The following SLC10A7 variants were observed in gnomAD, a reference collection of about 807,000 sequenced individuals.
SLC10A7 encodes sodium/bile acid cotransporter 7.
SLC10A7 carries 29 observed loss-of-function variants against 43.2 expected under a neutral mutation model. The ratio of observed to expected loss-of-function variants is 0.67; its 90% CI spans 0.50 to 0.92. The LOEUF is 0.92. Ranked by LOEUF, SLC10A7 falls within the 40% of genes least tolerant of loss-of-function variation. SLC10A7 has a pLI of 0.00. For missense variants in SLC10A7, 295 were observed against 403.2 expected, an observed-to-expected ratio of 0.73 and a Z score of 2.30; for synonymous variants, 152 against 144.8, an observed-to-expected ratio of 1.05 and a Z score of -0.35.
chr4:146,444,152 G>GA (rs1490706622), intron 4 of SLC10A7, among the ~76,000 whole-genome samples: 1 of 152,174 alleles, frequency 6.6e-6, no homozygotes, highest in Non-Finnish European at 1.5e-5. Flanking sequence ...TATGTATGGG[G>GA]AAAAATAAGT....
At chr4:146,286,916 T>C (rs1420195882) in intron 9 of SLC10A7, among the ~76,000 whole-genome samples, 1 of 149,830 alleles carries the variant, frequency 6.7e-6, no homozygotes, top group Non-Finnish European at 1.5e-5. Context: ...AGGACTGAAC[T>C]TGGAGAGTTG....
intron 6 of SLC10A7, among the ~76,000 whole-genome samples, chr4:146,321,628 G>T (rs552527069): frequency 6.6e-6 from 1 of 152,062 alleles, no homozygotes; most frequent in East Asian, 1.9e-4. Context: ...TAAGAGATGG[G>T]GTCTCTGTAT....
At chr4:146,274,175 G>C (rs564962853) in intron 10 of SLC10A7, among the ~76,000 whole-genome samples, 1 of 151,200 alleles carries the variant, frequency 6.6e-6, no homozygotes, top group East Asian at 1.9e-4. Context: ...CACTAAATGG[G>C]TGGTTCTCTT....
Position 146,294,058 on chromosome 4 carries a change from T to A in SLC10A7, c.593A>T (p.Lys198Met), listed in dbSNP as rs1466115226. The change falls in exon 8 of 12, where the codon AAG becomes ATG. Residue 198 changes from lysine (K) to methionine (M), a missense_variant. By Grantham distance (95) the Lys-to-Met change is moderately conservative. Coordinates refer to ENST00000335472, the MANE Select transcript of SLC10A7 (RefSeq NM_001029998.6). ...GCTGATAGCACCAAAAGGAGGCTTC[T>A]TTCTCTCAAGCCAATCCTTGATGTA... ...RRYIKDWLER[K>M]KPPFGAISSS... 4 of 1,611,344 alleles carry A rather than the reference T, an allele frequency of 2.5e-6. No homozygotes were observed. Among genetic ancestry groups the A allele is most frequent in the Non-Finnish European group, 3.4e-6 (4 of 1,178,330 alleles).
chr4:146,517,977 G>A (rs546711205), intron 1 of SLC10A7, among the ~76,000 whole-genome samples: 7 of 152,244 alleles, frequency 4.6e-5, no homozygotes, highest in East Asian at 1.9e-4. Context: ...TGCTATGACC[G>A]TAATTATTAT....
At chr4:146,281,228 C>A (rs1189734754) in intron 10 of SLC10A7, among the ~76,000 whole-genome samples, 1 of 151,938 alleles carries the variant, frequency 6.6e-6, no homozygotes, top group African/African-American at 2.4e-5. Context: ...AGATATTCTG[C>A]TTATAGAAAA....
At chr4:146,414,452 G>A (rs1397872628) in intron 5 of SLC10A7, among the ~76,000 whole-genome samples, 4 of 152,066 alleles carry the variant, frequency 2.6e-5, no homozygotes, top group African/African-American at 7.2e-5. Context: ...TGCCAGGCAC[G>A]GTGGCTCACG....
Position 146,381,695 on chromosome 4 carries a change from C to G in SLC10A7, c.436-55699G>C, listed in dbSNP as rs1579044310. 2.6e-5 allele frequency among the ~76,000 whole-genome samples: 4 copies of G among 152,030 alleles called. No individual in the cohort carries two copies. In the South Asian group the frequency reaches 6.2e-4, roughly 24 times the overall value. On this transcript the variant is annotated intron_variant, in intron 5 of 11. Coordinates refer to ENST00000335472, the MANE Select transcript of SLC10A7 (RefSeq NM_001029998.6). ...AGGCAAGTTCTTCTTTTCCCTTCCCCCAAAGGAGCAAGTTCTGTTTCTACC... is the reference window on the plus strand; with the variant it reads ...AGGCAAGTTCTTCTTTTCCCTTCCCGCAAAGGAGCAAGTTCTGTTTCTACC...
chr4:146,429,262 T>C (rs776867558), intron 5 of SLC10A7, among the ~76,000 whole-genome samples: 3 of 152,164 alleles, frequency 2.0e-5, no homozygotes, highest in Non-Finnish European at 2.9e-5. Flanking sequence ...AGATGGGATT[T>C]TTGTCAAAAG....
chr4:146,387,557 A>T (rs1187912733), intron 5 of SLC10A7, among the ~76,000 whole-genome samples: 1 of 152,170 alleles, frequency 6.6e-6, no homozygotes, highest in East Asian at 1.9e-4. Flanking sequence ...ACCAGGGAAC[A>T]TAGCACTGGA....
intron 10 of SLC10A7, among the ~76,000 whole-genome samples, chr4:146,261,044 T>C (rs958048024): frequency 1.3e-5 from 2 of 152,224 alleles, no homozygotes; most frequent in Admixed American, 1.3e-4. Context: ...CTTTGGACCC[T>C]AATGTCAAGT....
chr4:146,369,088 A>C (rs1736591574), intron 5 of SLC10A7, among the ~76,000 whole-genome samples: 1 of 152,170 alleles, frequency 6.6e-6, no homozygotes, highest in African/African-American at 2.4e-5. Flanking sequence ...AGTATCACAA[A>C]AATGAGAAAG....
intron 5 of SLC10A7, among the ~76,000 whole-genome samples, chr4:146,420,197 C>T (rs962945014): frequency 2.6e-5 from 4 of 152,208 alleles, no homozygotes; most frequent in Admixed American, 6.5e-5. Flanking sequence ...TAGTTATCTA[C>T]TATATCTACC....
chr4:146,393,296 T>C (rs1738584351), intron 5 of SLC10A7, among the ~76,000 whole-genome samples: 1 of 152,114 alleles, frequency 6.6e-6, no homozygotes, highest in Non-Finnish European at 1.5e-5. Context: ...AATTTAGCTT[T>C]TATAACAACC....
At chr4:146,258,338 G>A (rs1728006034) in intron 11 of SLC10A7, among the ~76,000 whole-genome samples, 1 of 152,214 alleles carries the variant, frequency 6.6e-6, no homozygotes. Context: ...AGACATAGAT[G>A]AAAGACTGAG....
chr4:146,302,290 C>G (rs995416932), intron 7 of SLC10A7, among the ~76,000 whole-genome samples: 1 of 152,146 alleles, frequency 6.6e-6, no homozygotes, highest in African/African-American at 2.4e-5. Flanking sequence ...TCAGTTATGC[C>G]TCTATACAAC....
intron 4 of SLC10A7, among the ~76,000 whole-genome samples, chr4:146,452,639 T>A (rs1392256867): frequency 6.6e-6 from 1 of 152,054 alleles, no homozygotes; most frequent in Non-Finnish European, 1.5e-5. Flanking sequence ...AGAGCCCTCA[T>A]TACAAGAAAA....
chr4:146,390,985 T>C (rs1489914015), intron 5 of SLC10A7, among the ~76,000 whole-genome samples: 1 of 152,178 alleles, frequency 6.6e-6, no homozygotes, highest in Non-Finnish European at 1.5e-5. Context: ...TCTGTTTTCA[T>C]TAAGGAGAGA....
chr4:146,402,791 G>A (rs1196982791), intron 5 of SLC10A7, among the ~76,000 whole-genome samples: 2 of 152,148 alleles, frequency 1.3e-5, no homozygotes, highest in African/African-American at 4.8e-5. Flanking sequence ...GAAGCCAGCT[G>A]TCACACTAAT....
Sources: gnomAD v4.1 joint callset for allele counts (sites outside exome capture counted in the v4.1 genomes callset) on GRCh38, gnomAD v4.1.1 for gene constraint, MANE v1.5 for transcripts, NCBI Gene and HGNC (gene_info 2026-07-23, HGNC 2026-07-21) for gene names.